AFF3: variants seen among roughly 807,000 people sequenced by gnomAD.
AFF3 encodes the protein AF4/FMR2 family member 3.
A neutral mutation model predicts 129.7 loss-of-function variants in AFF3; 32 were observed. The observed-to-expected ratio is 0.25, with a 90% CI of 0.19 to 0.33. The LOEUF is 0.33. Ranked by LOEUF, AFF3 falls within the 10% of genes least tolerant of loss-of-function variation. The pLI, the probability that AFF3 is intolerant of heterozygous loss-of-function variation, is 1.00. For synonymous variants in AFF3, 644 were observed against 635.4 expected (o/e 1.01, Z -0.20); for missense variants, 1,373 against 1,592.0 (o/e 0.86, Z 2.34).
At chr2:99,584,464 G>A (rs553016618) in intron 16 of AFF3, among the ~76,000 whole-genome samples, 5 of 152,090 alleles carry the variant, frequency 3.3e-5, no homozygotes, top group Admixed American at 2.0e-4. Flanking sequence ...ATAAGACTCC[G>A]TCTCCAAAAT....
chr2:100,063,295 G>A (rs1356166455), intron 4 of AFF3, among the ~76,000 whole-genome samples: 1 of 148,220 alleles, frequency 6.7e-6, no homozygotes, highest in Non-Finnish European at 1.5e-5. Context: ...TTTCAGCTTT[G>A]CAAACTGAAA....
intron 9 of AFF3, among the ~76,000 whole-genome samples, chr2:99,747,907 G>T (rs924293767): frequency 2.0e-5 from 3 of 152,096 alleles, no homozygotes; most frequent in African/African-American, 7.2e-5. Flanking sequence ...CCACTCTGCG[G>T]GTACAAATAA....
intron 10 of AFF3, among the ~76,000 whole-genome samples, chr2:99,741,153 T>C (rs1224206067): frequency 6.6e-6 from 1 of 152,190 alleles, no homozygotes; most frequent in African/African-American, 2.4e-5. Context: ...CTTTGAAAAC[T>C]GGCACAAGAC....
At chr2:99,758,909 CAAG>C (rs1302833132) in intron 8 of AFF3, among the ~76,000 whole-genome samples, 2 of 152,160 alleles carry the variant, frequency 1.3e-5, no homozygotes, top group Non-Finnish European at 2.9e-5. Context: ...CCCTAGTACT[CAAG>C]ACCTTCTACA....
chr2:99,591,135 T>A (rs1678631586), intron 15 of AFF3, among the ~76,000 whole-genome samples: 1 of 152,188 alleles, frequency 6.6e-6, no homozygotes. Context: ...AATTACTTAA[T>A]GTTATTAATA....
Position 99,966,689 on chromosome 2 carries a change from C to CAAAAAAAAAAAAAAAAA in AFF3, c.873+39926_873+39942dup, listed in dbSNP as rs61351679. Among the ~76,000 whole-genome samples, 2 of 36,684 alleles carry CAAAAAAAAAAAAAAAAA rather than the reference C, an allele frequency of 5.5e-5. 1 individual carries two copies. The highest frequency in any genetic ancestry group is 1.1e-4 in the Non-Finnish European group (2 of 18,688). 24.1% of individuals were successfully genotyped at this position (36,684 alleles called of 152,430 possible). A position where few individuals can be genotyped will look rare whatever the true frequency, so the allele number is the denominator to read the frequency against. On this transcript the variant is annotated intron_variant, in intron 7 of 24. Transcript: ENST00000672756. ...TGGGCGACAGAGCGAGACTCCGTCT[C>CAAAAAAAAAAAAAAAAA]AAAAAAAAAAAAAAAAAAAAAAAAA...
chr2:99,872,129 C>T (rs1164452575), intron 7 of AFF3, among the ~76,000 whole-genome samples: 3 of 149,658 alleles, frequency 2.0e-5, no homozygotes, highest in African/African-American at 5.0e-5. Flanking sequence ...TGGCATGAAC[C>T]CGGGAGGTGG....
chr2:99,649,600 TAGTTC>T, intron 13 of AFF3, 21 bp downstream of exon 13: 1 of 1,611,262 alleles, frequency 6.2e-7, no homozygotes, highest in Non-Finnish European at 8.5e-7. Flanking sequence ...AAGCAATTTA[TAGTTC>T]ATAAAAATGA....
intron 7 of AFF3, among the ~76,000 whole-genome samples, chr2:99,950,352 ATAAGT>A (rs1676030282): frequency 6.6e-6 from 1 of 152,198 alleles, no homozygotes; most frequent in Non-Finnish European, 1.5e-5. Flanking sequence ...TAAGGGAAAA[ATAAGT>A]TAAAGAAGAG....
intron 7 of AFF3, among the ~76,000 whole-genome samples, chr2:99,938,488 AC>A (rs1216624675): frequency 6.6e-6 from 1 of 152,256 alleles, no homozygotes; most frequent in Admixed American, 6.5e-5. Context: ...TTATATGTCA[AC>A]CTAGCTAGGT....
chr2:100,120,458 C>T (rs1236415555), intron 2 of AFF3, among the ~76,000 whole-genome samples: 1 of 125,992 alleles, frequency 7.9e-6, no homozygotes, highest in African/African-American at 4.2e-5. Flanking sequence ...TTTGCTTCTG[C>T]ACCCCCAACC....
chr2:99,879,566 T>A (rs149198660), intron 7 of AFF3, among the ~76,000 whole-genome samples: 2 of 152,372 alleles, frequency 1.3e-5, no homozygotes, highest in African/African-American at 4.8e-5. Flanking sequence ...AGTTTCTCTG[T>A]CAAGATGATT....
rs539109988 is a variant in AFF3 at position 100,040,843 on chromosome 2, C to T, written c.54-31911G>A. 3.3e-5 allele frequency among the ~76,000 whole-genome samples: 5 copies of T among 152,352 alleles called. No individual in the cohort carries two copies. In the East Asian group the frequency reaches 9.6e-4, roughly 29 times the overall value. Reference sequence around the variant, plus strand: ...GAGGACAGATCTCTTTTAGAGGAGACAGCCCCACCTGGCTGCACCCTCCAA... The same window carrying T: ...GAGGACAGATCTCTTTTAGAGGAGATAGCCCCACCTGGCTGCACCCTCCAA... On this transcript the variant is annotated intron_variant, in intron 4 of 24. Transcript: ENST00000672756.
At chr2:100,029,892 C>T (rs1684353159) in intron 4 of AFF3, among the ~76,000 whole-genome samples, 1 of 152,024 alleles carries the variant, frequency 6.6e-6, no homozygotes, top group Non-Finnish European at 1.5e-5. Context: ...TGGCGAAACG[C>T]TGACTCTACT....
chr2:99,875,203 T>C (rs13427750), intron 7 of AFF3, among the ~76,000 whole-genome samples: 100 of 152,220 alleles, frequency 6.6e-4, no homozygotes, highest in African/African-American at 2.3e-3. Context: ...CACTGCAACC[T>C]CTGGGCCCTT....
At chr2:99,762,589 T>A (rs1682709984) in intron 8 of AFF3, among the ~76,000 whole-genome samples, 2 of 152,196 alleles carry the variant, frequency 1.3e-5, no homozygotes, top group African/African-American at 4.8e-5. Flanking sequence ...CCTAGCACAA[T>A]GGTCAGAATA....
chr2:99,553,689 A>G (rs1311739942), intron 24 of AFF3, among the ~76,000 whole-genome samples: 2 of 152,002 alleles, frequency 1.3e-5, no homozygotes, highest in Admixed American at 6.6e-5. Flanking sequence ...TGAGGCAGGC[A>G]GATCACGAGG....
intron 7 of AFF3, among the ~76,000 whole-genome samples, chr2:99,903,094 T>C (rs1271353528): frequency 1.3e-5 from 2 of 152,182 alleles, no homozygotes; most frequent in East Asian, 3.8e-4. Flanking sequence ...TACACCAGCA[T>C]ATATGTATAA....
intron 4 of AFF3, among the ~76,000 whole-genome samples, chr2:100,017,094 T>C (rs775855647): frequency 7.2e-5 from 11 of 151,992 alleles, no homozygotes; most frequent in Non-Finnish European, 1.5e-4. Flanking sequence ...AAAGTGGTAG[T>C]GAAGGTGCTA....
Sources: gnomAD v4.1 joint callset for allele counts (sites outside exome capture counted in the v4.1 genomes callset) on GRCh38, gnomAD v4.1.1 for gene constraint, MANE v1.5 for transcripts, NCBI Gene and HGNC (gene_info 2026-07-23, HGNC 2026-07-21) for gene names.